Variants in BMAL1 observed in about 807,000 individuals in gnomAD.
BMAL1 encodes basic helix-loop-helix ARNT-like protein 1.
At chr11:13,361,837 G>C in the BMAL1 span, among the ~76,000 whole-genome samples, 1 of 151,708 alleles carries the variant, frequency 6.6e-6, no homozygotes, top group African/African-American at 2.4e-5. Flanking sequence ...ACCTTTGCCA[G>C]GTCTAAGTAG....
At chr11:13,340,723 C>T in the BMAL1 span, among the ~76,000 whole-genome samples, 1 of 152,172 alleles carries the variant, frequency 6.6e-6, no homozygotes, top group Non-Finnish European at 1.5e-5. Flanking sequence ...CACCCCTGCT[C>T]TCACCATCTC....
At chr11:13,346,481 T>C in the BMAL1 span, among the ~76,000 whole-genome samples, 1 of 152,232 alleles carries the variant, frequency 6.6e-6, no homozygotes, top group East Asian at 1.9e-4. Flanking sequence ...TTCACCCTGC[T>C]CTGCTCAGAG....
the BMAL1 span, among the ~76,000 whole-genome samples, chr11:13,320,833 G>A: frequency 6.6e-6 from 1 of 152,238 alleles, no homozygotes; most frequent in South Asian, 2.1e-4. Flanking sequence ...AGCAAATAGT[G>A]TGTCCAGTAA....
the BMAL1 span, among the ~76,000 whole-genome samples, chr11:13,297,022 A>G: frequency 3.9e-5 from 6 of 152,338 alleles, no homozygotes; most frequent in East Asian, 5.8e-4. Flanking sequence ...TGCAGTCTCT[A>G]CAGCCCAGGT....
At chr11:13,355,367 C>T in the BMAL1 span, 9 of 1,441,706 alleles carry the variant, frequency 6.2e-6, no homozygotes, top group Middle Eastern at 3.6e-4. Flanking sequence ...GCTGTGAGGG[C>T]GTTCTTCCAT....
At chr11:13,383,512 ACACT>A in the BMAL1 span, among the ~76,000 whole-genome samples, 4 of 152,120 alleles carry the variant, frequency 2.6e-5, no homozygotes, top group Non-Finnish European at 1.5e-5. Flanking sequence ...TCACCACCAC[ACACT>A]CACAGTAAAA....
the BMAL1 span, among the ~76,000 whole-genome samples, chr11:13,367,406 G>A: frequency 6.6e-6 from 1 of 152,112 alleles, no homozygotes; most frequent in Non-Finnish European, 1.5e-5. Flanking sequence ...AAGAATGAGA[G>A]AATGAGGACT....
chr11:13,362,707 CAGAG>C, the BMAL1 span, among the ~76,000 whole-genome samples: 1 of 152,152 alleles, frequency 6.6e-6, no homozygotes, highest in Non-Finnish European at 1.5e-5. Flanking sequence ...TCCGTGTTCT[CAGAG>C]AGGATTTGCT....
the BMAL1 span, chr11:13,374,056 G>A: frequency 2.8e-5 from 44 of 1,580,342 alleles, no homozygotes; most frequent in Non-Finnish European, 3.6e-5. Flanking sequence ...TCATCTGAAT[G>A]GCTTTTTCTT....
At chr11:13,291,805 G>GTACTCTGTATCATACAGAA in the BMAL1 span, among the ~76,000 whole-genome samples, 134 of 151,354 alleles carry the variant, frequency 8.9e-4, no homozygotes, top group Middle Eastern at 3.4e-3. Context: ...TAATTGACGT[G>GTACTCTGTATCATACAGAA]TACTCTGTAT....
At chr11:13,386,704 A>AT in the BMAL1 span, 1 of 1,614,204 alleles carries the variant, frequency 6.2e-7, no homozygotes. Context: ...TTGGAAGCAG[A>AT]TGCTGGACTG....
At chr11:13,336,674 T>C in the BMAL1 span, among the ~76,000 whole-genome samples, 3 of 152,204 alleles carry the variant, frequency 2.0e-5, no homozygotes, top group Non-Finnish European at 2.9e-5. Context: ...CAGCACTGAC[T>C]GTACTGAGCA....
the BMAL1 span, among the ~76,000 whole-genome samples, chr11:13,363,919 A>G: frequency 3.9e-5 from 6 of 152,154 alleles, no homozygotes; most frequent in Non-Finnish European, 5.9e-5. Context: ...TGGAATGTCC[A>G]GAGCCTCCCC....
chr11:13,315,679 G>C, the BMAL1 span, among the ~76,000 whole-genome samples: 3 of 152,192 alleles, frequency 2.0e-5, no homozygotes, highest in Non-Finnish European at 2.9e-5. Context: ...TGGAGGTCAT[G>C]ACCTCGGTTT....
the BMAL1 span, among the ~76,000 whole-genome samples, chr11:13,355,785 G>A: frequency 2.6e-5 from 4 of 152,138 alleles, no homozygotes; most frequent in Non-Finnish European, 4.4e-5. Flanking sequence ...CTGCCTGTGA[G>A]GAACCCCAGG....
At chr11:13,298,114 T>C in the BMAL1 span, among the ~76,000 whole-genome samples, 1 of 152,236 alleles carries the variant, frequency 6.6e-6, no homozygotes, top group Non-Finnish European at 1.5e-5. Flanking sequence ...TTGATCATGC[T>C]GGGTTCTGCA....
At chr11:13,354,682 C>T in the BMAL1 span, 1 of 498,748 alleles carries the variant, frequency 2.0e-6, no homozygotes, top group Non-Finnish European at 3.5e-6. Context: ...CCAAAATGTT[C>T]TACACCCAGA....
the BMAL1 span, among the ~76,000 whole-genome samples, chr11:13,303,065 T>C: frequency 6.6e-6 from 1 of 152,230 alleles, no homozygotes; most frequent in Admixed American, 6.5e-5. Context: ...GTTCGTGATC[T>C]TAATTATTCC....
the BMAL1 span, among the ~76,000 whole-genome samples, chr11:13,310,390 C>T: frequency 3.3e-5 from 5 of 152,030 alleles, no homozygotes; most frequent in South Asian, 4.2e-4. Flanking sequence ...AGAAGATTTT[C>T]GGGACTTGAG....
Sources: allele counts gnomAD v4.1 joint callset (sites outside exome capture counted in the v4.1 genomes callset), GRCh38; gene constraint gnomAD v4.1.1; transcripts MANE v1.5; gene names NCBI Gene and HGNC (gene_info 2026-07-23, HGNC 2026-07-21).